Variants in CACHD1 observed in about 807,000 individuals in gnomAD.
CACHD1 encodes cache domain containing 1, also known as VWFA and cache domain-containing protein 1.
A neutral mutation model predicts 138.7 loss-of-function variants in CACHD1; 71 were observed. The ratio of observed to expected loss-of-function variants is 0.51; its 90% CI spans 0.42 to 0.62. CACHD1 has a LOEUF of 0.62. Among genes scored for constraint, CACHD1 ranks in the 20% least tolerant of loss-of-function variants. The pLI, the probability that CACHD1 is intolerant of heterozygous loss-of-function variation, is 0.00. For missense variants in CACHD1, 1,389 were observed against 1,625.3 expected (o/e 0.85, Z 2.50); for synonymous variants, 578 against 591.5 (o/e 0.98, Z 0.33).
At chr1:64,647,266 A>C (rs1648938955) in intron 8 of CACHD1, among the ~76,000 whole-genome samples, 1 of 152,320 alleles carries the variant, frequency 6.6e-6, no homozygotes, top group African/African-American at 2.4e-5. Flanking sequence ...ATGAGCTTAA[A>C]GAAACAGGGT....
chr1:64,572,426 T>A (rs1490026545), intron 2 of CACHD1, among the ~76,000 whole-genome samples: 2 of 152,046 alleles, frequency 1.3e-5, no homozygotes, highest in Admixed American at 6.6e-5. Flanking sequence ...TATGATCTGG[T>A]TGTTAAGGGT....
chr1:64,500,732 AAAAGAGAGAGAG>A (rs1263696266), intron 1 of CACHD1, among the ~76,000 whole-genome samples: 22 of 51,786 alleles, frequency 4.2e-4, no homozygotes, highest in African/African-American at 9.2e-4. Context: ...AAAAAAAAAA[AAAAGAGAGAGAG>A]AGAGAGAGAG....
intron 12 of CACHD1, among the ~76,000 whole-genome samples, chr1:64,656,926 C>A (rs1405260687): frequency 6.6e-6 from 1 of 152,168 alleles, no homozygotes; most frequent in East Asian, 1.9e-4. Flanking sequence ...CTAATATAAT[C>A]CAAATAGAGT....
At chr1:64,503,426 T>A (rs1646350961) in intron 1 of CACHD1, among the ~76,000 whole-genome samples, 1 of 152,202 alleles carries the variant, frequency 6.6e-6, no homozygotes, top group South Asian at 2.1e-4. Flanking sequence ...TCCAAAAATT[T>A]ACAGAGCCAA....
At chr1:64,471,758 T>C (rs998661854) in intron 1 of CACHD1, among the ~76,000 whole-genome samples, 19 of 152,182 alleles carry the variant, frequency 1.2e-4, no homozygotes, top group African/African-American at 4.6e-4. Flanking sequence ...TCCAGATTGT[T>C]TATCATGTCC....
At chr1:64,535,666 C>T (rs1646626929) in intron 1 of CACHD1, among the ~76,000 whole-genome samples, 1 of 152,082 alleles carries the variant, frequency 6.6e-6, no homozygotes, top group Non-Finnish European at 1.5e-5. Context: ...ATAGGGAGAC[C>T]ATTACTGACA....
intron 16 of CACHD1, among the ~76,000 whole-genome samples, chr1:64,669,409 C>T (rs1224881622): frequency 1.3e-5 from 2 of 152,216 alleles, no homozygotes; most frequent in Non-Finnish European, 2.9e-5. Flanking sequence ...GAAGCAGTCC[C>T]ATGAACTCAG....
At chr1:64,688,991 A>G (rs990421374) in intron 26 of CACHD1, among the ~76,000 whole-genome samples, 14 of 152,066 alleles carry the variant, frequency 9.2e-5, no homozygotes, top group African/African-American at 2.9e-4. Flanking sequence ...GTTTTAGCAC[A>G]TGGGTGTTTC....
chr1:64,474,339 TGGAGTGGAAAGA>T (rs1646162145), intron 1 of CACHD1, among the ~76,000 whole-genome samples: 1 of 152,192 alleles, frequency 6.6e-6, no homozygotes, highest in Non-Finnish European at 1.5e-5. Flanking sequence ...AGCAGCATCG[TGGAGTGGAAAGA>T]GCCCCACATT....
chr1:64,612,283 A>G (rs528837623), intron 4 of CACHD1, among the ~76,000 whole-genome samples: 9 of 152,340 alleles, frequency 5.9e-5, no homozygotes, highest in African/African-American at 9.6e-5. Flanking sequence ...AAGTTTTTTT[A>G]TAGGATTCCA....
In CACHD1 at chr1:64,678,261, G is replaced by A. The variant is rs1219184603; in HGVS notation, c.3195G>A (p.Gly1065=). The A allele has an allele frequency of 5.0e-6, 8 of 1,603,448 alleles. No individual in the cohort carries two copies. Among genetic ancestry groups the A allele is most frequent in the Non-Finnish European group, 6.8e-6 (8 of 1,176,430 alleles). ...PYCAPQKECF[G]GIVGAKSPYV... is the part of the protein sequence containing the mutation. ...GTGCCCCCCAGAAAGAATGCTTCGG[G>A]GGGATTGTGGGAGCCAAAAGTCCCT... The change falls in exon 23 of 27, where the codon GGG becomes GGA. Residue 1065 remains glycine (G), a synonymous_variant. Transcript: ENST00000651257.
intron 1 of CACHD1, among the ~76,000 whole-genome samples, chr1:64,473,214 A>G (rs1171444254): frequency 6.6e-6 from 1 of 152,052 alleles, no homozygotes; most frequent in Non-Finnish European, 1.5e-5. Context: ...AAGGAGACAC[A>G]CATACTGTAT....
chr1:64,617,402 C>T (rs1382304200), intron 4 of CACHD1, among the ~76,000 whole-genome samples: 1 of 151,734 alleles, frequency 6.6e-6, no homozygotes, highest in African/African-American at 2.4e-5. Context: ...AGAAGTTTAT[C>T]CCAGAAGTTT....
At chr1:64,534,507 A>G (rs889848838) in intron 1 of CACHD1, among the ~76,000 whole-genome samples, 2 of 152,254 alleles carry the variant, frequency 1.3e-5, no homozygotes, top group African/African-American at 4.8e-5. Context: ...TCAGGCCTTA[A>G]TAATATTCCC....
chr1:64,519,342 G>A (rs1370392628), intron 1 of CACHD1, among the ~76,000 whole-genome samples: 1 of 152,144 alleles, frequency 6.6e-6, no homozygotes, highest in Non-Finnish European at 1.5e-5. Context: ...CACAGCCCAG[G>A]ACTGCTGCAA....
Position 64,561,858 on chromosome 1 carries a change from C to CAAAA in CACHD1, c.261+11216_261+11219dup, listed in dbSNP as rs35407984. Among the ~76,000 whole-genome samples the CAAAA allele has an allele frequency of 4.6e-3, 541 of 116,396 alleles. 5 individuals carry two copies. The highest frequency in any genetic ancestry group is 7.3e-3 in the Non-Finnish European group (434 of 59,518). The allele number at this position is 116,396 out of a possible 152,430, so 76.4% of individuals were successfully genotyped here. ...GGGGAACAGAGCAAGACACTGTCTC[C>CAAAA]AAAAAAAAAAAAAAAAAGTTTCTAT... is the stretch of plus-strand genomic sequence containing the variant. On this transcript the variant is annotated intron_variant, in intron 2 of 26. Coordinates refer to ENST00000651257, the MANE Select transcript of CACHD1 (RefSeq NM_020925.4).
intron 1 of CACHD1, among the ~76,000 whole-genome samples, chr1:64,521,873 A>G (rs1339668052): frequency 6.6e-6 from 1 of 152,198 alleles, no homozygotes; most frequent in Non-Finnish European, 1.5e-5. Flanking sequence ...TACAAGTCTC[A>G]TCAGATATAT....
chr1:64,594,566 C>T (rs925636898), intron 3 of CACHD1, among the ~76,000 whole-genome samples: 31 of 152,158 alleles, frequency 2.0e-4, no homozygotes, highest in African/African-American at 7.5e-4. Context: ...GATGAGTACC[C>T]TTATAGCAGA....
chr1:64,645,550 T>C (rs1219242232), intron 8 of CACHD1, among the ~76,000 whole-genome samples: 2 of 151,804 alleles, frequency 1.3e-5, no homozygotes, highest in East Asian at 1.9e-4. Flanking sequence ...GGAGAAACTG[T>C]GGGAGAAAAA....
Sources: allele counts gnomAD v4.1 joint callset (sites outside exome capture counted in the v4.1 genomes callset), GRCh38; gene constraint gnomAD v4.1.1; transcripts MANE v1.5; gene names NCBI Gene and HGNC (gene_info 2026-07-23, HGNC 2026-07-21).